Variants in DNM3 observed in about 807,000 individuals in gnomAD.
The protein encoded by DNM3 is dynamin 3, also known as dynamin-3.
Under a neutral mutation model 101.6 loss-of-function variants are expected in DNM3, and 47 were observed. The observed-to-expected ratio is 0.46, with a 90% confidence interval of 0.37 to 0.59. The LOEUF (loss-of-function observed/expected upper bound fraction) is 0.59. Ranked by LOEUF, DNM3 falls within the 20% of genes least tolerant of loss-of-function variation. DNM3 has a pLI of 0.00. For synonymous variants in DNM3, 385 were observed against 387.9 expected, an observed-to-expected ratio of 0.99 and a Z score of 0.09; for missense variants, 849 against 1,085.7, an observed-to-expected ratio of 0.78 and a Z score of 3.06.
intron 4 of DNM3, among the ~76,000 whole-genome samples, chr1:172,010,536 G>A (rs2047039040): frequency 6.9e-6 from 1 of 144,330 alleles, no homozygotes. Context: ...TGCTTTCATA[G>A]TTTCTGATGA....
chr1:172,259,540 T>G (rs538302310), intron 15 of DNM3, among the ~76,000 whole-genome samples: 1 of 152,252 alleles, frequency 6.6e-6, no homozygotes, highest in Non-Finnish European at 1.5e-5. Flanking sequence ...AAAGTCTGTT[T>G]TATCTGTTGT....
intron 14 of DNM3, chr1:172,138,760 TGTGA>T: frequency 2.7e-6 from 1 of 369,606 alleles, no homozygotes; most frequent in South Asian, 2.2e-5. Context: ...GATGCTATGG[TGTGA>T]GGGCTGCTTT....
chr1:171,851,923 C>T (rs1010766305), intron 1 of DNM3, among the ~76,000 whole-genome samples: 1 of 152,220 alleles, frequency 6.6e-6, no homozygotes. Flanking sequence ...GGGTTATCCT[C>T]AAAATTGTTG....
At chr1:172,155,733 T>C (rs1338544542) in intron 14 of DNM3, among the ~76,000 whole-genome samples, 1 of 152,090 alleles carries the variant, frequency 6.6e-6, no homozygotes, top group Non-Finnish European at 1.5e-5. Context: ...AGGTAGAAAA[T>C]ACAAACTTTA....
chr1:171,854,132 G>T (rs1234980544), intron 1 of DNM3, among the ~76,000 whole-genome samples: 1 of 152,168 alleles, frequency 6.6e-6, no homozygotes, highest in East Asian at 1.9e-4. Flanking sequence ...AACTAGTGTA[G>T]ACTAGCATAG....
At chr1:172,063,210 T>C (rs1276964909) in intron 10 of DNM3, among the ~76,000 whole-genome samples, 1 of 152,240 alleles carries the variant, frequency 6.6e-6, no homozygotes, top group Non-Finnish European at 1.5e-5. Context: ...GCTAGAGGCA[T>C]CAAACTTGTT....
rs116792962 is a variant in DNM3 at position 171,844,615 on chromosome 1, T to A, written c.161+2798T>A. 3.4e-3 allele frequency among the ~76,000 whole-genome samples: 513 copies of A among 152,334 alleles called. 6 individuals are homozygous for A. The highest frequency in any genetic ancestry group is 0.012 in the African/African-American group (489 of 41,574). ...AGATTGTTATGAATAAAATGAGTCA[T>A]GAATGAACCACTTGTTTGTGATTTT... is the stretch of plus-strand genomic sequence containing the variant. On this transcript the variant is annotated intron_variant, in intron 1 of 20. Transcript: ENST00000627582.
intron 1 of DNM3, among the ~76,000 whole-genome samples, chr1:171,890,313 C>T (rs2125169247): frequency 1.3e-5 from 2 of 152,212 alleles, no homozygotes; most frequent in Admixed American, 1.3e-4. Flanking sequence ...AGTACTCATT[C>T]TGTGAATTTA....
At chr1:172,400,837 T>C (rs1025511285) in intron 20 of DNM3, among the ~76,000 whole-genome samples, 3 of 152,196 alleles carry the variant, frequency 2.0e-5, no homozygotes, top group Non-Finnish European at 4.4e-5. Context: ...CTGGCTTTCT[T>C]TCCTTTGCAC....
chr1:172,066,952 T>TTGTG (rs61202714), intron 10 of DNM3, among the ~76,000 whole-genome samples: 90 of 150,222 alleles, frequency 6.0e-4, no homozygotes, highest in East Asian at 4.2e-3. Context: ...GTCTCTGTGT[T>TTGTG]TGTGTGTGTG....
intron 1 of DNM3, among the ~76,000 whole-genome samples, chr1:171,898,734 A>C (rs2038039771): frequency 6.6e-6 from 1 of 151,768 alleles, no homozygotes; most frequent in Middle Eastern, 3.4e-3. Context: ...CATATTGTAC[A>C]TTTGGGCTTG....
At chr1:172,244,092 A>C (rs1207731084) in intron 14 of DNM3, among the ~76,000 whole-genome samples, 1 of 151,458 alleles carries the variant, frequency 6.6e-6, no homozygotes, top group Non-Finnish European at 1.5e-5. Context: ...TTCAATTCCC[A>C]CCTATGAGTG....
chr1:172,082,592 G>A (rs1287239319), intron 12 of DNM3, among the ~76,000 whole-genome samples: 1 of 151,974 alleles, frequency 6.6e-6, no homozygotes, highest in African/African-American at 2.4e-5. Flanking sequence ...CATTTAAGTG[G>A]TTCCAACTTC....
intron 14 of DNM3, among the ~76,000 whole-genome samples, chr1:172,210,106 T>A (rs2060461295): frequency 6.6e-6 from 1 of 151,966 alleles, no homozygotes; most frequent in African/African-American, 2.4e-5. Flanking sequence ...AAGATGTGAG[T>A]TAGGTAAGGA....
At chr1:172,101,733 T>C (rs1357421567) in intron 13 of DNM3, among the ~76,000 whole-genome samples, 2 of 152,154 alleles carry the variant, frequency 1.3e-5, no homozygotes, top group South Asian at 2.1e-4. Flanking sequence ...TTAATCACCA[T>C]GTTTAACCAC....
At chr1:172,049,108 A>G (rs2050022340) in intron 10 of DNM3, among the ~76,000 whole-genome samples, 1 of 152,208 alleles carries the variant, frequency 6.6e-6, no homozygotes. Flanking sequence ...CTGATAGTAC[A>G]TATATCAATA....
At chr1:172,085,017 A>G (rs2053431078) in intron 12 of DNM3, among the ~76,000 whole-genome samples, 1 of 152,178 alleles carries the variant, frequency 6.6e-6, no homozygotes, top group Admixed American at 6.5e-5. Context: ...CATGTTTAAT[A>G]TGTGACACTT....
At chr1:172,289,809 G>C (rs985023367) in intron 15 of DNM3, 3 of 984,628 alleles carry the variant, frequency 3.0e-6, no homozygotes, top group African/African-American at 3.5e-5. Flanking sequence ...ACAAAAATTT[G>C]CATGGAGTTT....
chr1:172,162,790 C>G (rs2058591274), intron 14 of DNM3, among the ~76,000 whole-genome samples: 1 of 152,004 alleles, frequency 6.6e-6, no homozygotes, highest in South Asian at 2.1e-4. Flanking sequence ...TTAATCTATA[C>G]TGAGATCATT....
Sources: allele counts gnomAD v4.1 joint callset (sites outside exome capture counted in the v4.1 genomes callset), GRCh38; gene constraint gnomAD v4.1.1; transcripts MANE v1.5; gene names NCBI Gene and HGNC (gene_info 2026-07-23, HGNC 2026-07-21).